Variants in DCC observed in about 807,000 individuals in gnomAD.
DCC encodes netrin receptor DCC.
In DCC, 58 loss-of-function variants were observed where a neutral mutation model predicts 172.5. The observed-to-expected ratio is 0.34, with a 90% confidence interval of 0.27 to 0.42. The LOEUF (loss-of-function observed/expected upper bound fraction) is 0.42, where lower values mean the gene tolerates loss of function less well. Ranked by LOEUF, DCC falls within the 10% of genes least tolerant of loss-of-function variation. The pLI is 1.00. For missense variants in DCC, 1,740 were observed against 1,791.0 expected, an observed-to-expected ratio of 0.97 and a Z score of 0.51; for synonymous variants, 709 against 644.5, an observed-to-expected ratio of 1.10 and a Z score of -1.52.
At chr18:52,963,842 T>TTA (rs1035821286) in intron 5 of DCC, among the ~76,000 whole-genome samples, 5 of 151,852 alleles carry the variant, frequency 3.3e-5, no homozygotes, top group East Asian at 1.9e-4. Context: ...TTTTTTTTTT[T>TTA]ATCCAAACTC....
chr18:52,394,927 T>C (rs993294056), intron 1 of DCC, among the ~76,000 whole-genome samples: 2 of 152,056 alleles, frequency 1.3e-5, no homozygotes, highest in African/African-American at 4.8e-5. Flanking sequence ...GTCTGACAGA[T>C]TGGCAACTCA....
chr18:53,308,190 A>G (rs1227505957), intron 13 of DCC, among the ~76,000 whole-genome samples: 1 of 151,620 alleles, frequency 6.6e-6, no homozygotes, highest in Middle Eastern at 3.2e-3. Flanking sequence ...ACACAGTTGT[A>G]TCTTGGAATA....
intron 7 of DCC, among the ~76,000 whole-genome samples, chr18:53,096,824 T>G (rs1289308900): frequency 6.6e-6 from 1 of 152,202 alleles, no homozygotes; most frequent in Non-Finnish European, 1.5e-5. Context: ...TCCTCGTCTG[T>G]GATAGCATTA....
intron 1 of DCC, among the ~76,000 whole-genome samples, chr18:52,463,048 T>G (rs1988679577): frequency 6.6e-6 from 1 of 152,188 alleles, no homozygotes; most frequent in Admixed American, 6.5e-5. Flanking sequence ...ATACTCAGCA[T>G]GCAGTAATTG....
At position 52,764,845 on chromosome 18, in the gene DCC, C is replaced by T. The variant is rs536577945; in HGVS notation, c.412+12471C>T. ...AAGAAGTTTCTAGTAGATATCACTC[C>T]ATGAACTATCTTGGGATTCCTCTTA... is the stretch of plus-strand genomic sequence containing the variant. On this transcript the variant is annotated intron_variant, in intron 2 of 28. Transcript: ENST00000442544. Among the ~76,000 whole-genome samples the T allele has an allele frequency of 3.3e-4, 51 of 152,242 alleles. 1 individual carries two copies. The highest frequency in any genetic ancestry group is 1.2e-3 in the African/African-American group (51 of 41,532).
At chr18:53,241,487 C>G (rs906540424) in intron 12 of DCC, among the ~76,000 whole-genome samples, 3 of 152,106 alleles carry the variant, frequency 2.0e-5, no homozygotes, top group African/African-American at 7.2e-5. Context: ...CCAAAGCTTC[C>G]CGCAGTTTCA....
intron 1 of DCC, among the ~76,000 whole-genome samples, chr18:52,547,210 C>A (rs920988700): frequency 6.6e-6 from 1 of 152,120 alleles, no homozygotes; most frequent in African/African-American, 2.4e-5. Flanking sequence ...GATATTCTTG[C>A]CAAATTGGCA....
At chr18:53,521,832 G>C (rs1468251609) in intron 27 of DCC, among the ~76,000 whole-genome samples, 1 of 152,006 alleles carries the variant, frequency 6.6e-6, no homozygotes, top group Non-Finnish European at 1.5e-5. Context: ...AGGGAGTCTA[G>C]GTCAAAAATA....
intron 12 of DCC, among the ~76,000 whole-genome samples, chr18:53,258,126 C>T (rs577300883): frequency 1.2e-4 from 18 of 152,050 alleles, no homozygotes; most frequent in East Asian, 3.9e-4. Context: ...GTCTTGTTAG[C>T]GGTCTGTCAA....
intron 9 of DCC, among the ~76,000 whole-genome samples, chr18:53,181,746 G>A (rs1306283570): frequency 6.6e-6 from 1 of 152,100 alleles, no homozygotes; most frequent in East Asian, 1.9e-4. Flanking sequence ...CAGTATTTAT[G>A]GATCTCAGCA....
At chr18:53,382,025 C>A (rs1306337873) in intron 15 of DCC, among the ~76,000 whole-genome samples, 1 of 150,920 alleles carries the variant, frequency 6.6e-6, no homozygotes, top group Non-Finnish European at 1.5e-5. Flanking sequence ...ACACTGTAGC[C>A]AAATCTAGCC....
At chr18:52,780,716 T>A (rs906553618) in intron 2 of DCC, among the ~76,000 whole-genome samples, 1 of 152,138 alleles carries the variant, frequency 6.6e-6, no homozygotes, top group Admixed American at 6.6e-5. Flanking sequence ...TGTGTGATAT[T>A]ACTTCCCTCC....
intron 5 of DCC, chr18:52,934,736 G>A (rs758745009): frequency 6.6e-6 from 1 of 152,064 alleles, no homozygotes; most frequent in South Asian, 2.1e-4. Context: ...TCATAATGAG[G>A]GGATGCCTAT....
intron 1 of DCC, among the ~76,000 whole-genome samples, chr18:52,524,186 C>A (rs575935189): frequency 4.0e-4 from 61 of 152,234 alleles, no homozygotes; most frequent in African/African-American, 1.3e-3. Flanking sequence ...TATGCATATT[C>A]TTTAAAGTTA....
chr18:52,482,480 G>C (rs1424213271), intron 1 of DCC, among the ~76,000 whole-genome samples: 1 of 152,142 alleles, frequency 6.6e-6, no homozygotes, highest in Non-Finnish European at 1.5e-5. Context: ...TGTCTGGGAA[G>C]TCCAAGATCA....
At position 52,551,027 on chromosome 18, in the gene DCC, T is replaced by A. The variant is rs1286606456; in HGVS notation, c.92-201027T>A. On this transcript the variant is annotated intron_variant, in intron 1 of 28. Coordinates refer to ENST00000442544, the MANE Select transcript of DCC (RefSeq NM_005215.4). ...TGTTAGGGACAAATGTATTTGTATC[T>A]TTGTGAATAAAATGTTTCTACTTTT... is the stretch of plus-strand genomic sequence containing the variant. Among the ~76,000 whole-genome samples, 3 of 152,162 alleles carry A rather than the reference T, an allele frequency of 2.0e-5. No homozygotes were observed. In the East Asian group the frequency reaches 5.8e-4, roughly 29 times the overall value.
At chr18:52,644,528 G>A (rs1037491612) in intron 1 of DCC, among the ~76,000 whole-genome samples, 2 of 148,438 alleles carry the variant, frequency 1.3e-5, no homozygotes, top group Non-Finnish European at 3.0e-5. Context: ...GCGGTGAACC[G>A]AGATTGCGCC....
intron 12 of DCC, among the ~76,000 whole-genome samples, chr18:53,218,751 G>C (rs527410182): frequency 5.9e-5 from 9 of 151,938 alleles, no homozygotes; most frequent in African/African-American, 1.9e-4. Context: ...AAAATGTTAC[G>C]TTTTATTAGG....
chr18:53,317,197 G>A (rs1331103933), intron 13 of DCC, among the ~76,000 whole-genome samples: 1 of 152,104 alleles, frequency 6.6e-6, no homozygotes, highest in East Asian at 1.9e-4. Flanking sequence ...ATCTATGGAG[G>A]TAATCATGTA....
Sources: allele counts gnomAD v4.1 joint callset (sites outside exome capture counted in the v4.1 genomes callset), GRCh38; gene constraint gnomAD v4.1.1; transcripts MANE v1.5; gene names NCBI Gene and HGNC (gene_info 2026-07-23, HGNC 2026-07-21).